CDH23: variants seen among roughly 807,000 people sequenced by gnomAD.
CDH23 encodes the protein cadherin-23.
Under a neutral mutation model 317.1 loss-of-function variants are expected in CDH23, and 189 were observed. That is an observed-to-expected ratio of 0.60 (90% CI 0.53 to 0.67). The LOEUF is 0.67. Ranked by LOEUF, CDH23 falls within the 30% of genes least tolerant of loss-of-function variation. CDH23 has a pLI of 0.00. For synonymous variants in CDH23, 1,839 were observed against 1,876.8 expected (o/e 0.98, Z 0.52); for missense variants, 4,401 against 4,592.4 (o/e 0.96, Z 1.20).
chr10:71,605,677 A>G (rs1860489757), intron 9 of CDH23, among the ~76,000 whole-genome samples: 2 of 152,150 alleles, frequency 1.3e-5, no homozygotes, highest in South Asian at 4.1e-4. Flanking sequence ...CATCATAAAC[A>G]CATCTGTTTT....
intron 3 of CDH23, among the ~76,000 whole-genome samples, chr10:71,461,220 C>A (rs936700213): frequency 6.6e-6 from 1 of 152,208 alleles, no homozygotes; most frequent in Non-Finnish European, 1.5e-5. Flanking sequence ...CTTTGGAGGC[C>A]GAGCCCATGT....
chr10:71,754,397 C>T (rs1840081386), intron 38 of CDH23, among the ~76,000 whole-genome samples: 1 of 152,086 alleles, frequency 6.6e-6, no homozygotes, highest in Admixed American at 6.6e-5. Context: ...AAATAAGTTG[C>T]GAGCCAAAAG....
intron 11 of CDH23, among the ~76,000 whole-genome samples, chr10:71,621,133 T>C (rs1861448105): frequency 6.6e-6 from 1 of 152,204 alleles, no homozygotes; most frequent in South Asian, 2.1e-4. Flanking sequence ...CAAAGAGAAA[T>C]CAGGCAACTG....
intron 14 of CDH23, among the ~76,000 whole-genome samples, chr10:71,651,799 C>T (rs768792845): frequency 6.6e-5 from 10 of 152,192 alleles, no homozygotes; most frequent in African/African-American, 2.2e-4. Flanking sequence ...ATCCTTGTGA[C>T]GGTGGCAGGC....
chr10:71,680,572 AC>A (rs1319648022), intron 17 of CDH23, among the ~76,000 whole-genome samples: 1 of 151,708 alleles, frequency 6.6e-6, no homozygotes, highest in Non-Finnish European at 1.5e-5. Context: ...ACATGGTGAA[AC>A]CCTGTCTCTA....
intron 6 of CDH23, among the ~76,000 whole-genome samples, chr10:71,545,252 G>A (rs1351060379): frequency 6.6e-6 from 1 of 152,170 alleles, no homozygotes; most frequent in Non-Finnish European, 1.5e-5. Flanking sequence ...CGTGCTCCCA[G>A]GCCACGGCAG....
intron 30 of CDH23, among the ~76,000 whole-genome samples, chr10:71,726,871 C>T (rs1866835383): frequency 6.6e-6 from 1 of 152,360 alleles, no homozygotes; most frequent in African/African-American, 2.4e-5. Context: ...CTCCTCCCAT[C>T]AGTGCCTCAG....
At chr10:71,612,856 G>A (rs1021489843) in intron 9 of CDH23, among the ~76,000 whole-genome samples, 7 of 152,152 alleles carry the variant, frequency 4.6e-5, no homozygotes, top group African/African-American at 1.2e-4. Context: ...AAAATGTATC[G>A]CCATTTGTTT....
At chr10:71,403,788 C>G (rs1027246217) in intron 1 of CDH23, among the ~76,000 whole-genome samples, 1 of 151,588 alleles carries the variant, frequency 6.6e-6, no homozygotes, top group Non-Finnish European at 1.5e-5. Context: ...GTGCTGTTTT[C>G]TTTTAAAAAT....
chr10:71,672,445 C>T (rs1864188967), intron 14 of CDH23, among the ~76,000 whole-genome samples: 1 of 152,156 alleles, frequency 6.6e-6, no homozygotes, highest in South Asian at 2.1e-4. Flanking sequence ...AGGCAAGGAG[C>T]AGCTTTTCAT....
At chr10:71,681,707 C>T (rs765192596) in intron 17 of CDH23, among the ~76,000 whole-genome samples, 7 of 152,084 alleles carry the variant, frequency 4.6e-5, no homozygotes, top group Non-Finnish European at 8.8e-5. Flanking sequence ...GAGGCCGAGG[C>T]GGGAGGATTG....
intron 9 of CDH23, among the ~76,000 whole-genome samples, chr10:71,595,646 G>T (rs1162141557): frequency 3.3e-5 from 5 of 152,080 alleles, no homozygotes; most frequent in African/African-American, 1.2e-4. Context: ...ACCCAGAAAG[G>T]AGCCATCCTT....
In CDH23 at chr10:71,709,105, C is replaced by T. The variant is rs759228637; in HGVS notation, c.3114C>T (p.Asn1038=). 10 of 1,613,810 alleles carry T rather than the reference C, an allele frequency of 6.2e-6. No individual in the cohort carries two copies. The highest frequency in any genetic ancestry group is 2.2e-5 in the East Asian group (1 of 44,886). The change falls in exon 27 of 70, where the codon AAC becomes AAT. Residue 1038 remains asparagine, a synonymous_variant. Transcript: ENST00000224721. ...CCTCTCCTTCACCCACAGGTGGCAA[C>T]GTGGATGGGAAGTTCAGCGTGGGTT... ...AELSYFITGG[N]VDGKFSVGYR... is the part of the protein sequence containing the mutation.
At chr10:71,684,033 A>G (rs977173943) in intron 18 of CDH23, among the ~76,000 whole-genome samples, 2 of 152,024 alleles carry the variant, frequency 1.3e-5, no homozygotes, top group African/African-American at 4.8e-5. Context: ...GTGAGCCGAG[A>G]TCGCACCATT....
chr10:71,407,312 G>A (rs1449349486), intron 1 of CDH23, among the ~76,000 whole-genome samples: 2 of 152,206 alleles, frequency 1.3e-5, no homozygotes, highest in Non-Finnish European at 2.9e-5. Flanking sequence ...AGCCCTGCCA[G>A]GTGTGTTTAT....
intron 22 of CDH23, among the ~76,000 whole-genome samples, chr10:71,701,594 T>C (rs76126673): frequency 0.02 from 3,116 of 152,082 alleles, 221 homozygotes; most frequent in East Asian, 0.19. Flanking sequence ...TCTCCTTCCT[T>C]AACACTCCCC....
At chr10:71,659,961 T>A (rs1057125242) in intron 14 of CDH23, among the ~76,000 whole-genome samples, 13 of 41,086 alleles carry the variant, frequency 3.2e-4, no homozygotes, top group African/African-American at 1.3e-3. Context: ...TTTCTTTCCG[T>A]TTTTTTTTTT....
intron 31 of CDH23, among the ~76,000 whole-genome samples, chr10:71,730,985 G>A (rs756846905): frequency 2.8e-4 from 43 of 152,194 alleles, no homozygotes; most frequent in African/African-American, 8.9e-4. Flanking sequence ...GCCCCTCCAC[G>A]CCTTCCAGGA....
At chr10:71,625,739 G>A (rs1052239086) in intron 11 of CDH23, among the ~76,000 whole-genome samples, 8 of 152,178 alleles carry the variant, frequency 5.3e-5, no homozygotes, top group African/African-American at 1.9e-4. Context: ...TCTCCTGCGG[G>A]CCTCTTCGGC....
Sources: gnomAD v4.1 joint callset for allele counts (sites outside exome capture counted in the v4.1 genomes callset) on GRCh38, gnomAD v4.1.1 for gene constraint, MANE v1.5 for transcripts, NCBI Gene and HGNC (gene_info 2026-07-23, HGNC 2026-07-21) for gene names.